Variants in GAB3 observed in about 807,000 individuals in gnomAD.
The protein encoded by GAB3 is GRB2-associated-binding protein 3.
A neutral mutation model predicts 40.4 loss-of-function variants in GAB3; 12 were observed. That is an observed-to-expected ratio of 0.30 (90% confidence interval 0.19 to 0.48). The LOEUF is 0.48. GAB3 is among the 20% of genes least tolerant of loss of function. The pLI, the probability that GAB3 is intolerant of heterozygous loss-of-function variation, is 0.99. For synonymous variants in GAB3, 154 were observed against 176.7 expected (o/e 0.87, Z 1.02); for missense variants, 381 against 461.9 (o/e 0.82, Z 1.61).
chrX:154,692,746 C>A (rs1007556754), intron 8 of GAB3, among the ~76,000 whole-genome samples: 3 of 111,683 alleles, frequency 2.7e-5, no homozygotes, highest in Admixed American at 9.5e-5. Context: ...CGAGCTTGCG[C>A]CACTGCACTC....
intron 1 of GAB3, among the ~76,000 whole-genome samples, chrX:154,728,388 C>T (rs1009601242): frequency 2.7e-5 from 3 of 112,518 alleles, no homozygotes; most frequent in African/African-American, 9.7e-5. Flanking sequence ...TGGCCAAGAG[C>T]GCCTAGAGCG....
Position 154,713,389 on chromosome X carries a change from G to T in GAB3, c.414C>A (p.Ser138=), listed in dbSNP as rs782331847. 6.6e-6 allele frequency: 8 copies of T among 1,206,501 alleles called. No individual in the cohort carries two copies. Among genetic ancestry groups the T allele is most frequent in the Non-Finnish European group, 7.8e-6 (7 of 894,344 alleles). ...GGGAGCTGGCAGAGGATGGCTGCAG[G>T]GAGGAGGGCGTGTAAGAGAGGCTCT... ...SMESLSYTPS[S]LQPSSASSLL... Residue 138 remains serine, a synonymous_variant, in exon 3 of 10, where the codon TCC becomes TCA. Coordinates refer to ENST00000424127, the MANE Select transcript of GAB3 (RefSeq NM_001081573.3).
intron 4 of GAB3, among the ~76,000 whole-genome samples, chrX:154,706,636 G>A (rs1191117392): frequency 9.0e-6 from 1 of 111,276 alleles, no homozygotes; most frequent in Admixed American, 9.5e-5. Flanking sequence ...ATCTGGGCTG[G>A]ACATAGTGGC....
intron 1 of GAB3, among the ~76,000 whole-genome samples, chrX:154,738,254 C>A (rs2071391488): frequency 8.9e-6 from 1 of 111,950 alleles, no homozygotes; most frequent in Admixed American, 9.5e-5. Flanking sequence ...TCCAGATGAG[C>A]AATGATGGTC....
chrX:154,696,298 C>CAAAAAAAAAAAA (rs35105330), intron 7 of GAB3, among the ~76,000 whole-genome samples: 1 of 40,140 alleles, frequency 2.5e-5, no homozygotes, highest in African/African-American at 9.6e-5. Context: ...TATCATTTAG[C>CAAAAAAAAAAAA]AAAAAAAAAA....
intron 1 of GAB3, among the ~76,000 whole-genome samples, chrX:154,733,545 G>A (rs1210176931): frequency 1.8e-5 from 2 of 111,942 alleles, no homozygotes; most frequent in African/African-American, 3.2e-5. Flanking sequence ...TTGGAGAACC[G>A]ACTGAATAAA....
chrX:154,730,237 G>T (rs2071272341), intron 1 of GAB3, among the ~76,000 whole-genome samples: 1 of 112,456 alleles, frequency 8.9e-6, no homozygotes, highest in Admixed American at 9.4e-5. Flanking sequence ...AATAAGAATT[G>T]CTCTTGTCTG....
At chrX:154,710,501 GGGCA>G (rs2070924707) in intron 4 of GAB3, among the ~76,000 whole-genome samples, 1 of 111,673 alleles carries the variant, frequency 9.0e-6, no homozygotes. Context: ...TCACATACAT[GGGCA>G]CTTCATCTAT....
Position 154,689,353 on chromosome X carries a change from T to C in GAB3, c.1530+6564A>G, listed in dbSNP as rs113626673. Among the ~76,000 whole-genome samples, 12 of 111,052 alleles carry C rather than the reference T, an allele frequency of 1.1e-4. No individual in the cohort carries two copies. In the South Asian group the frequency reaches 1.1e-3, roughly 11 times the overall value. On this transcript the variant is annotated intron_variant, in intron 8 of 9. Coordinates refer to ENST00000424127, the MANE Select transcript of GAB3 (RefSeq NM_001081573.3). The stretch of plus-strand genomic sequence containing the variant: ...TGGAAGCATTCCCTTTGAAAACTGG[T>C]ACAAGACAGGGATGCCCTCTCTCAC...
intron 8 of GAB3, among the ~76,000 whole-genome samples, chrX:154,692,366 C>G (rs1557249648): frequency 8.9e-6 from 1 of 111,955 alleles, no homozygotes; most frequent in African/African-American, 3.2e-5. Flanking sequence ...CTTGAATAGA[C>G]AGTTCTCCAA....
chrX:154,686,244 T>C (rs1382186309), intron 8 of GAB3, among the ~76,000 whole-genome samples: 1 of 109,923 alleles, frequency 9.1e-6, no homozygotes, highest in Non-Finnish European at 1.9e-5. Context: ...GCAGATGAAA[T>C]GCAGCAATAT....
chrX:154,747,796 C>T (rs1311309681), intron 1 of GAB3, among the ~76,000 whole-genome samples: 1 of 112,153 alleles, frequency 8.9e-6, no homozygotes, highest in Non-Finnish European at 1.9e-5. Flanking sequence ...ACATTAAATC[C>T]ATGATTCATA....
At chrX:154,737,040 T>C (rs1435308931) in intron 1 of GAB3, among the ~76,000 whole-genome samples, 1 of 111,884 alleles carries the variant, frequency 8.9e-6, no homozygotes, top group Non-Finnish European at 1.9e-5. Context: ...TTAACTACCA[T>C]CTCATCTCCT....
At chrX:154,743,517 T>G (rs2071478109) in intron 1 of GAB3, among the ~76,000 whole-genome samples, 1 of 111,971 alleles carries the variant, frequency 8.9e-6, no homozygotes, top group Admixed American at 9.4e-5. Flanking sequence ...TAAAGCAAAA[T>G]TAGTAGTAGT....
chrX:154,746,501 A>T (rs1281759525), intron 1 of GAB3, among the ~76,000 whole-genome samples: 1 of 112,589 alleles, frequency 8.9e-6, no homozygotes, highest in Non-Finnish European at 1.9e-5. Flanking sequence ...ATTTTTATAG[A>T]TGCAGGAAAC....
At chrX:154,708,376 A>C (rs1369333442) in intron 4 of GAB3, among the ~76,000 whole-genome samples, 1 of 112,373 alleles carries the variant, frequency 8.9e-6, no homozygotes, top group African/African-American at 3.2e-5. Context: ...AAAATAAACA[A>C]GCGGAGCTAC....
At chrX:154,751,565 T>A, upstream of GAB3, 1 of 676,154 alleles carries the variant, frequency 1.5e-6, no homozygotes, top group African/African-American at 2.4e-5. Context: ...TTCCACTTGA[T>A]TGCTTGCACA....
intron 1 of GAB3, among the ~76,000 whole-genome samples, chrX:154,736,600 G>C (rs953615560): frequency 8.9e-6 from 1 of 112,298 alleles, no homozygotes; most frequent in African/African-American, 3.2e-5. Flanking sequence ...TGGTGTGTAC[G>C]TATTTTGGTG....
chrX:154,710,547 A>G (rs1557255612), intron 4 of GAB3, among the ~76,000 whole-genome samples: 1 of 111,962 alleles, frequency 8.9e-6, no homozygotes, highest in East Asian at 2.8e-4. Flanking sequence ...CCATGGGGAC[A>G]GGACAGCCTT....
Sources: gnomAD v4.1 joint callset for allele counts (sites outside exome capture counted in the v4.1 genomes callset) on GRCh38, gnomAD v4.1.1 for gene constraint, MANE v1.5 for transcripts, NCBI Gene and HGNC (gene_info 2026-07-23, HGNC 2026-07-21) for gene names.